The following CSMD1 variants were observed in gnomAD, a reference collection of about 807,000 sequenced individuals.
The protein encoded by CSMD1 is CUB and sushi domain-containing protein 1.
A neutral mutation model predicts 417.5 loss-of-function variants in CSMD1; 213 were observed. That is an observed-to-expected ratio of 0.51 (90% CI 0.46 to 0.57). The LOEUF is 0.57. CSMD1 is among the 20% of genes least tolerant of loss of function. CSMD1 has a pLI of 0.00. For missense variants in CSMD1, 6,923 were observed against 4,529.7 expected (o/e 1.53, Z -15.17); for synonymous variants, 2,862 against 1,736.8 (o/e 1.65, Z -16.11).
At chr8:3,562,417 A>ACACACACGT (rs1554470709) in intron 10 of CSMD1, among the ~76,000 whole-genome samples, 5 of 145,298 alleles carry the variant, frequency 3.4e-5, no homozygotes, top group African/African-American at 5.3e-5. Context: ...CACATGCACA[A>ACACACACGT]ACACACATGC....
At chr8:4,425,379 CAA>C (rs3056571) in intron 2 of CSMD1, among the ~76,000 whole-genome samples, 40,641 of 128,676 alleles carry the variant, frequency 0.32, 5,548 homozygotes, top group East Asian at 0.42. Flanking sequence ...ATTTGTGTGC[CAA>C]AAAAAAAAAA....
At chr8:3,344,908 A>G (rs552795890) in intron 22 of CSMD1, among the ~76,000 whole-genome samples, 3 of 152,314 alleles carry the variant, frequency 2.0e-5, no homozygotes, top group Admixed American at 1.3e-4. Flanking sequence ...CTAAAAGACT[A>G]TTGACCCAGG....
intron 30 of CSMD1, among the ~76,000 whole-genome samples, chr8:3,208,500 C>G (rs765495102): frequency 6.6e-6 from 1 of 152,118 alleles, no homozygotes; most frequent in Non-Finnish European, 1.5e-5. Context: ...CTGTTGACCT[C>G]GTGATCCACC....
chr8:3,620,562 T>C (rs1054335070), intron 7 of CSMD1, among the ~76,000 whole-genome samples: 3 of 152,148 alleles, frequency 2.0e-5, no homozygotes, highest in Non-Finnish European at 4.4e-5. Context: ...AGTTTTCGTA[T>C]ATGAATGAAG....
Position 3,822,300 on chromosome 8 carries a change from G to C in CSMD1, c.819-68258C>G, listed in dbSNP as rs145249244. Among the ~76,000 whole-genome samples, 6 of 152,178 alleles carry C rather than the reference G, an allele frequency of 3.9e-5. No homozygotes were observed. The East Asian group carries it at 1.2e-3, about 29-fold the overall frequency. On this transcript the variant is annotated intron_variant, in intron 5 of 69. Coordinates refer to ENST00000635120, the MANE Select transcript of CSMD1 (RefSeq NM_033225.6). ...CCCTTGTAAGAGCTTGTGTCTAGGG[G>C]GAAGAACAGGTGTTTTAAATATCCC...
At chr8:3,454,223 G>A (rs1314869486) in intron 12 of CSMD1, among the ~76,000 whole-genome samples, 2 of 152,084 alleles carry the variant, frequency 1.3e-5, no homozygotes, top group Non-Finnish European at 2.9e-5. Flanking sequence ...CGTTAGATGG[G>A]TCTCCTGAAT....
intron 1 of CSMD1, among the ~76,000 whole-genome samples, chr8:4,883,295 G>A (rs934000727): frequency 6.6e-6 from 1 of 151,974 alleles, no homozygotes; most frequent in Non-Finnish European, 1.5e-5. Context: ...TAGAGTTACA[G>A]ATAAATGTAT....
chr8:4,326,533 T>A (rs1195774333), intron 3 of CSMD1, among the ~76,000 whole-genome samples: 1 of 152,128 alleles, frequency 6.6e-6, no homozygotes, highest in Non-Finnish European at 1.5e-5. Context: ...GCATAATGAG[T>A]AATCAAAGGT....
chr8:4,096,254 A>G (rs1801003107), intron 3 of CSMD1, among the ~76,000 whole-genome samples: 1 of 152,146 alleles, frequency 6.6e-6, no homozygotes, highest in Non-Finnish European at 1.5e-5. Flanking sequence ...TTTCCCTGCT[A>G]GCTCTTGATA....
At chr8:3,877,405 A>G (rs932121399) in intron 5 of CSMD1, among the ~76,000 whole-genome samples, 1 of 152,184 alleles carries the variant, frequency 6.6e-6, no homozygotes, top group African/African-American at 2.4e-5. Flanking sequence ...CACGTTCCAT[A>G]CAGGCTCAGA....
chr8:3,743,940 G>C (rs938768427), intron 6 of CSMD1, among the ~76,000 whole-genome samples: 33 of 152,132 alleles, frequency 2.2e-4, no homozygotes, highest in African/African-American at 6.8e-4. Context: ...AAAAATTGGA[G>C]AATCACTGAC....
At chr8:4,218,299 A>G (rs1800807005) in intron 3 of CSMD1, among the ~76,000 whole-genome samples, 2 of 152,194 alleles carry the variant, frequency 1.3e-5, no homozygotes, top group Admixed American at 6.5e-5. Context: ...TGACTTTCCT[A>G]TACTGTGAAT....
chr8:4,116,219 C>G (rs1005226525), intron 3 of CSMD1, among the ~76,000 whole-genome samples: 1 of 152,132 alleles, frequency 6.6e-6, no homozygotes, highest in African/African-American at 2.4e-5. Flanking sequence ...GTCCTGAACT[C>G]CTGACCTCAG....
At chr8:4,222,682 A>C (rs1319779674) in intron 3 of CSMD1, among the ~76,000 whole-genome samples, 2 of 152,182 alleles carry the variant, frequency 1.3e-5, no homozygotes, top group African/African-American at 2.4e-5. Flanking sequence ...TAACACAACT[A>C]TTCAGTTATG....
chr8:3,146,918 C>T (rs778795811), intron 40 of CSMD1, among the ~76,000 whole-genome samples: 2 of 152,172 alleles, frequency 1.3e-5, no homozygotes, highest in Non-Finnish European at 2.9e-5. Flanking sequence ...ATCGATCAGG[C>T]AATCCCATGC....
rs185336484 is a variant in CSMD1 at position 3,937,082 on chromosome 8, T to C, written c.818+60821A>G. On this transcript the variant is annotated intron_variant, in intron 5 of 69. Transcript: ENST00000635120. ...AGAGAAACAGAATTAGAAGTAGAAC[T>C]GAATTGCTGCACTGTCATAAGATCT... is the stretch of plus-strand genomic sequence containing the variant. Among the ~76,000 whole-genome samples, 5 of 152,294 alleles carry C rather than the reference T, an allele frequency of 3.3e-5. No individual in the cohort carries two copies. The East Asian group carries it at 9.6e-4, about 29-fold the overall frequency.
At chr8:4,090,082 C>G (rs757526591) in intron 3 of CSMD1, among the ~76,000 whole-genome samples, 1 of 152,184 alleles carries the variant, frequency 6.6e-6, no homozygotes, top group African/African-American at 2.4e-5. Context: ...CAAAACTTAA[C>G]TTACACTTAA....
intron 2 of CSMD1, among the ~76,000 whole-genome samples, chr8:4,484,015 G>C (rs555867491): frequency 6.6e-6 from 1 of 152,162 alleles, no homozygotes; most frequent in African/African-American, 2.4e-5. Context: ...ATTGCCTGTT[G>C]GATGATAGGG....
intron 5 of CSMD1, among the ~76,000 whole-genome samples, chr8:3,877,642 T>C (rs935409597): frequency 2.0e-5 from 3 of 151,794 alleles, no homozygotes; most frequent in Admixed American, 1.3e-4. Flanking sequence ...CTCCTTACAG[T>C]AGAATGTCTA....
Sources: gnomAD v4.1 joint callset for allele counts (sites outside exome capture counted in the v4.1 genomes callset) on GRCh38, gnomAD v4.1.1 for gene constraint, MANE v1.5 for transcripts, NCBI Gene and HGNC (gene_info 2026-07-23, HGNC 2026-07-21) for gene names.